THADA: variants seen among roughly 807,000 people sequenced by gnomAD.
THADA encodes THADA armadillo repeat containing.
THADA carries 213 observed loss-of-function variants against 219.8 expected under a neutral mutation model. The ratio of observed to expected loss-of-function variants is 0.97; its 90% CI spans 0.87 to 1.09. The LOEUF (loss-of-function observed/expected upper bound fraction) is 1.09. Ranked by LOEUF, THADA falls within the 50% of genes least tolerant of loss-of-function variation. The pLI, the probability that THADA is intolerant of heterozygous loss-of-function variation, is 0.00. For missense variants in THADA, 2,956 were observed against 2,311.3 expected, an observed-to-expected ratio of 1.28 and a Z score of -5.72; for synonymous variants, 1,018 against 828.9, an observed-to-expected ratio of 1.23 and a Z score of -3.92.
intron 31 of THADA, among the ~76,000 whole-genome samples, chr2:43,314,652 T>TGCCCAGCCTGAGACCCA (rs1355905381): frequency 6.6e-6 from 1 of 152,256 alleles, no homozygotes; most frequent in Non-Finnish European, 1.5e-5. Context: ...TCCATGTCGC[T>TGCCCAGCCTGAGACCCA]GCCCAGCCTG....
At position 43,485,250 on chromosome 2, in the gene THADA, G is replaced by A. The variant is rs1266316090; in HGVS notation, c.3820C>T (p.His1274Tyr). ...GGAGCTTACCTATTTGTTTTGGAAT[G>A]TTCATCCTTTGCCCTTTTAACTCCA... is the stretch of plus-strand genomic sequence containing the variant. The part of the protein sequence containing the change: ...IFGVKRAKDE[H>Y]SKTNRMTGRE... The change falls in exon 26 of 38, where the codon CAT (histidine) becomes TAT (tyrosine). Residue 1274 changes from histidine to tyrosine, a missense_variant. By Grantham distance (83) the His-to-Tyr change is moderately conservative (BLOSUM62 2). Coordinates refer to ENST00000405975, the MANE Select transcript of THADA (RefSeq NM_022065.5). 3.7e-6 allele frequency: 6 copies of A among 1,612,142 alleles called. No individual in the cohort carries two copies. The highest frequency in any genetic ancestry group is 4.2e-6 in the Non-Finnish European group (5 of 1,178,750).
At chr2:43,326,073 G>C (rs1679287576) in intron 30 of THADA, among the ~76,000 whole-genome samples, 1 of 151,276 alleles carries the variant, frequency 6.6e-6, no homozygotes. Context: ...ATTTCCGACT[G>C]TGCATGATTT....
At chr2:43,444,931 A>G (rs1161276090) in intron 26 of THADA, among the ~76,000 whole-genome samples, 7 of 152,226 alleles carry the variant, frequency 4.6e-5, no homozygotes, top group Non-Finnish European at 8.8e-5. Context: ...CAGTTTTTAA[A>G]AACAGGACTT....
rs1244773534 is a variant in THADA at position 43,431,621 on chromosome 2, A to G, written c.3837-1319T>C. 5.4e-5 allele frequency among the ~76,000 whole-genome samples: 6 copies of G among 111,316 alleles called. 1 individual carries two copies. Among genetic ancestry groups the G allele is most frequent in the African/African-American group, 2.0e-4 (6 of 29,578 alleles). 73.0% of individuals were successfully genotyped at this position (111,316 alleles called of 152,430 possible). A position where few individuals can be genotyped will look rare whatever the true frequency, so the allele number is the denominator to read the frequency against. ...GCTGGGACTACAGGCGCCCGCCACC[A>G]CGCCCGGATAATTTTTTGTACTTTT... On this transcript the variant is annotated intron_variant, in intron 26 of 37. Coordinates refer to ENST00000405975, the MANE Select transcript of THADA (RefSeq NM_022065.5).
chr2:43,340,598 C>T (rs1666960289), intron 30 of THADA, among the ~76,000 whole-genome samples: 1 of 152,062 alleles, frequency 6.6e-6, no homozygotes, highest in Non-Finnish European at 1.5e-5. Flanking sequence ...AAAAGGGTGT[C>T]GGTGTTAAAA....
At chr2:43,583,082 G>C (rs1700630510) in intron 7 of THADA, among the ~76,000 whole-genome samples, 1 of 151,916 alleles carries the variant, frequency 6.6e-6, no homozygotes, top group Non-Finnish European at 1.5e-5. Flanking sequence ...TAATCTACAT[G>C]CTGATAATTC....
rs182719174 is a variant in THADA at position 43,494,888 on chromosome 2, C to T, written c.3744+3945G>A. On this transcript the variant is annotated intron_variant, in intron 25 of 37. Transcript: ENST00000405975. Reference sequence around the variant, plus strand: ...CGAAAGACTAAGGAGTCTGTAAAAACAAATTAAATATATACATGAATGCTT... The same window carrying T: ...CGAAAGACTAAGGAGTCTGTAAAAATAAATTAAATATATACATGAATGCTT... Among the ~76,000 whole-genome samples the T allele has an allele frequency of 2.0e-5, 3 of 152,260 alleles. No homozygotes were observed. The East Asian group carries it at 5.8e-4, about 29-fold the overall frequency.
intron 28 of THADA, among the ~76,000 whole-genome samples, chr2:43,418,066 T>C (rs752777511): frequency 1.3e-5 from 2 of 152,228 alleles, no homozygotes. Flanking sequence ...TACCTCATTA[T>C]GCCAAAAACT....
intron 17 of THADA, among the ~76,000 whole-genome samples, chr2:43,554,537 A>T (rs1172866281): frequency 2.0e-5 from 3 of 152,252 alleles, no homozygotes; most frequent in Non-Finnish European, 4.4e-5. Flanking sequence ...GGGGAAAAGT[A>T]AATGGCTTGT....
chr2:43,317,226 C>T (rs1678187062), intron 31 of THADA, among the ~76,000 whole-genome samples: 1 of 152,220 alleles, frequency 6.6e-6, no homozygotes, highest in Non-Finnish European at 1.5e-5. Context: ...TATATATTTA[C>T]ATACACACAT....
chr2:43,434,923 T>G (rs1048600894), intron 26 of THADA, among the ~76,000 whole-genome samples: 1 of 152,162 alleles, frequency 6.6e-6, no homozygotes, highest in Non-Finnish European at 1.5e-5. Context: ...CACTGGGGCT[T>G]CAGCCGTAAA....
At chr2:43,507,943 G>C (rs555441056) in intron 23 of THADA, among the ~76,000 whole-genome samples, 1 of 152,300 alleles carries the variant, frequency 6.6e-6, no homozygotes, top group South Asian at 2.1e-4. Context: ...AGCAAGCAGT[G>C]TGTATGTTTT....
chr2:43,254,336 G>C (rs1670096833), intron 36 of THADA, among the ~76,000 whole-genome samples: 1 of 151,950 alleles, frequency 6.6e-6, no homozygotes, highest in African/African-American at 2.4e-5. Context: ...CAAGAAACCA[G>C]GTCCTTGGGA....
chr2:43,588,489 T>C (rs1233487101), intron 4 of THADA, among the ~76,000 whole-genome samples: 4 of 152,140 alleles, frequency 2.6e-5, no homozygotes, highest in Non-Finnish European at 5.9e-5. Flanking sequence ...CAAAGGAATG[T>C]ATTTGGCATA....
At chr2:43,353,189 A>T (rs1428850408) in intron 29 of THADA, among the ~76,000 whole-genome samples, 1 of 152,096 alleles carries the variant, frequency 6.6e-6, no homozygotes, top group East Asian at 1.9e-4. Context: ...CTGGATACAC[A>T]CCCAGAAGCA....
intron 4 of THADA, among the ~76,000 whole-genome samples, chr2:43,588,329 G>A (rs935667400): frequency 6.7e-6 from 1 of 149,820 alleles, no homozygotes; most frequent in Non-Finnish European, 1.5e-5. Flanking sequence ...TGCAAATAAT[G>A]TTTTAAATAA....
intron 26 of THADA, among the ~76,000 whole-genome samples, chr2:43,477,648 A>C (rs1685703198): frequency 6.6e-6 from 1 of 152,222 alleles, no homozygotes; most frequent in Non-Finnish European, 1.5e-5. Context: ...ACTCTGATAC[A>C]AAGACTTCTA....
chr2:43,571,588 G>A, intron 13 of THADA, 119 bp downstream of exon 13: 1 of 926,772 alleles, frequency 1.1e-6, no homozygotes. Context: ...GTCATGAACA[G>A]ATGTGGTAGC....
At chr2:43,518,513 T>A (rs1692013977) in intron 22 of THADA, among the ~76,000 whole-genome samples, 1 of 152,146 alleles carries the variant, frequency 6.6e-6, no homozygotes, top group South Asian at 2.1e-4. Context: ...AGAGATCATT[T>A]TTTCTCTAAG....
Sources: gnomAD v4.1 joint callset for allele counts (sites outside exome capture counted in the v4.1 genomes callset) on GRCh38, gnomAD v4.1.1 for gene constraint, MANE v1.5 for transcripts, NCBI Gene and HGNC (gene_info 2026-07-23, HGNC 2026-07-21) for gene names.